Variants in ELK3 observed in about 807,000 individuals in gnomAD.
The protein encoded by ELK3 is ETS domain-containing protein Elk-3.
Under a neutral mutation model 28.9 loss-of-function variants are expected in ELK3, and 10 were observed. That is an observed-to-expected ratio of 0.35 (90% confidence interval 0.21 to 0.59). The LOEUF (loss-of-function observed/expected upper bound fraction) is 0.59, where lower values mean the gene tolerates loss of function less well. Ranked by LOEUF, ELK3 falls within the 20% of genes least tolerant of loss-of-function variation. The probability of loss-of-function intolerance (pLI) is 0.82; values close to 1 mark genes in which losing one functional copy is unlikely to be tolerated. For missense variants in ELK3, 463 were observed against 517.3 expected (o/e 0.90, Z 1.02); for synonymous variants, 272 against 243.5 (o/e 1.12, Z -1.09).
At chr12:96,201,438 T>C (rs890289964) in intron 1 of ELK3, among the ~76,000 whole-genome samples, 2 of 151,784 alleles carry the variant, frequency 1.3e-5, no homozygotes, top group Admixed American at 1.3e-4. Flanking sequence ...CTGGGCAACA[T>C]AGTGAGACCC....
chr12:96,228,037 A>G (rs117861724), intron 2 of ELK3, among the ~76,000 whole-genome samples: 16,343 of 152,210 alleles, frequency 0.11, 1,167 homozygotes, highest in Non-Finnish European at 0.15. Context: ...AACTGGGAGG[A>G]TCACTTGAGC....
intron 2 of ELK3, 24 bp downstream of exon 2, chr12:96,223,797 G>A (rs1185239914): frequency 6.2e-7 from 1 of 1,611,310 alleles, no homozygotes; most frequent in Non-Finnish European, 8.5e-7. Context: ...CTTGCATGGG[G>A]CCGTCTTGGG....
chr12:96,231,433 A>G (rs1034975051), intron 2 of ELK3, among the ~76,000 whole-genome samples: 1 of 152,166 alleles, frequency 6.6e-6, no homozygotes, highest in Non-Finnish European at 1.5e-5. Flanking sequence ...CAGGCACCTT[A>G]TGGGTCAAGC....
At chr12:96,236,708 C>T (rs1230213117) in intron 2 of ELK3, among the ~76,000 whole-genome samples, 1 of 152,238 alleles carries the variant, frequency 6.6e-6, no homozygotes, top group African/African-American at 2.4e-5. Flanking sequence ...GTGGCGGCCC[C>T]AGGCTGTGCC....
At chr12:96,223,921 G>T (rs1951681031) in intron 2 of ELK3, 148 bp downstream of exon 2, 2 of 801,340 alleles carry the variant, frequency 2.5e-6, no homozygotes, top group Non-Finnish European at 3.9e-6. Flanking sequence ...GAGAAAAGCT[G>T]TGCTGTAGGG....
intron 1 of ELK3, among the ~76,000 whole-genome samples, chr12:96,211,858 T>G (rs1951581710): frequency 6.6e-6 from 1 of 152,260 alleles, no homozygotes; most frequent in Non-Finnish European, 1.5e-5. Context: ...TCCAGTATTA[T>G]GAAACAGTCT....
At chr12:96,236,426 C>T (rs1000053435) in intron 2 of ELK3, among the ~76,000 whole-genome samples, 14 of 152,206 alleles carry the variant, frequency 9.2e-5, no homozygotes, top group Non-Finnish European at 1.9e-4. Context: ...AGATAGTTCA[C>T]GCTGCAGTTT....
At chr12:96,241,102 A>G (rs1407413398) in intron 2 of ELK3, among the ~76,000 whole-genome samples, 2 of 152,362 alleles carry the variant, frequency 1.3e-5, no homozygotes, top group Non-Finnish European at 2.9e-5. Flanking sequence ...AAGCAGGTAT[A>G]TGTATGGGAT....
At chr12:96,238,504 G>A (rs1364159493) in intron 2 of ELK3, among the ~76,000 whole-genome samples, 1 of 152,248 alleles carries the variant, frequency 6.6e-6, no homozygotes, top group Admixed American at 6.5e-5. Flanking sequence ...CCTGGAGACA[G>A]CCGGGGGAGC....
intron 3 of ELK3, among the ~76,000 whole-genome samples, chr12:96,256,825 A>C (rs148486763): frequency 1.1e-4 from 16 of 152,250 alleles, no homozygotes; most frequent in Admixed American, 3.9e-4. Context: ...CAAGAGGAGG[A>C]GGCAGCGGGC....
chr12:96,196,961 A>G (rs1369212906), intron 1 of ELK3, among the ~76,000 whole-genome samples: 2 of 152,144 alleles, frequency 1.3e-5, no homozygotes, highest in Non-Finnish European at 2.9e-5. Context: ...ACATGAGTAC[A>G]GGATGTCCCT....
rs182833545 is a variant in ELK3, at chr12:96,251,204, G to A, written c.1002+3470G>A. Among the ~76,000 whole-genome samples the A allele has an allele frequency of 2.9e-3, 446 of 152,134 alleles. 3 individuals carry two copies. The highest frequency in any genetic ancestry group is 4.8e-3 in the Non-Finnish European group (329 of 68,004). Reference sequence around the variant, plus strand: ...TCTGTTATAGTGCTCTGAGATCAGCGAGCTTTGATACTACTATTGTCATTG... The same window carrying A: ...TCTGTTATAGTGCTCTGAGATCAGCAAGCTTTGATACTACTATTGTCATTG... On this transcript the variant is annotated intron_variant, in intron 3 of 4. Coordinates refer to ENST00000228741, the MANE Select transcript of ELK3 (RefSeq NM_005230.4).
rs1284718736 is a variant in ELK3 at position 96,233,728 on chromosome 12, G to C, written c.207+9955G>C. 2.6e-5 allele frequency among the ~76,000 whole-genome samples: 4 copies of C among 152,296 alleles called. No homozygotes were observed. In the East Asian group the frequency reaches 7.7e-4, roughly 29 times the overall value. Reference sequence around the variant, plus strand: ...AAGATAAAATGATGTTGTCAAAGTGGAGAAGGAACAAACATCCAGCAGGCA... The same window carrying C: ...AAGATAAAATGATGTTGTCAAAGTGCAGAAGGAACAAACATCCAGCAGGCA... On this transcript the variant is annotated intron_variant, in intron 2 of 4. Transcript: ENST00000228741.
intron 3 of ELK3, among the ~76,000 whole-genome samples, chr12:96,250,309 C>G (rs1397943730): frequency 2.0e-5 from 3 of 152,166 alleles, no homozygotes; most frequent in Non-Finnish European, 2.9e-5. Flanking sequence ...GAGGGAGACA[C>G]CAGAGGGGCC....
chr12:96,214,904 T>A lies in ELK3; in HGVS notation c.-2-8661T>A, dbSNP rs184217584. 4.5e-3 allele frequency among the ~76,000 whole-genome samples: 687 copies of A among 152,310 alleles called. 6 individuals carry two copies. The highest frequency in any genetic ancestry group is 0.013 in the African/African-American group (559 of 41,556). On this transcript the variant is annotated intron_variant, in intron 1 of 4. Transcript: ENST00000228741. Reference sequence around the variant, plus strand: ...TACCCTTTGTCTTAGACAATGATAGTATCATGACATGGAAATGCATAGCAG... The same window carrying A: ...TACCCTTTGTCTTAGACAATGATAGAATCATGACATGGAAATGCATAGCAG...
At chr12:96,221,366 C>T (rs974902364) in intron 1 of ELK3, among the ~76,000 whole-genome samples, 15 of 152,308 alleles carry the variant, frequency 9.8e-5, no homozygotes, top group Admixed American at 2.6e-4. Flanking sequence ...CTGTCCCATT[C>T]GGAACGTGAT....
chr12:96,252,214 A>G (rs1951912839), intron 3 of ELK3, among the ~76,000 whole-genome samples: 1 of 152,234 alleles, frequency 6.6e-6, no homozygotes, highest in African/African-American at 2.4e-5. Context: ...TACTACTCAG[A>G]AAAAAGATTC....
At chr12:96,231,115 C>T (rs1460017446) in intron 2 of ELK3, among the ~76,000 whole-genome samples, 3 of 152,206 alleles carry the variant, frequency 2.0e-5, no homozygotes, top group South Asian at 2.1e-4. Context: ...GGGCATTTTA[C>T]ACTTCCTCTC....
At position 96,223,996 on chromosome 12, in the gene ELK3, T is replaced by C. The variant is rs1020311588; in HGVS notation, c.207+223T>C. ...GGGTCACATTTTGTTTCTTCTGCATTTTCGTCTGAGTTTGCTGAAGAACTT... is the reference window on the plus strand; with the variant it reads ...GGGTCACATTTTGTTTCTTCTGCATCTTCGTCTGAGTTTGCTGAAGAACTT... On this transcript the variant is annotated intron_variant, in intron 2 of 4. Coordinates refer to ENST00000228741, the MANE Select transcript of ELK3 (RefSeq NM_005230.4). 3 of 545,526 alleles carry C rather than the reference T, an allele frequency of 5.5e-6. No homozygotes were observed. The African/African-American group carries it at 5.7e-5, about 10-fold the overall frequency. The allele number at this position is 545,526 out of a possible 1,614,324, so 33.8% of individuals were successfully genotyped here.
Sources: gnomAD v4.1 joint callset for allele counts (sites outside exome capture counted in the v4.1 genomes callset) on GRCh38, gnomAD v4.1.1 for gene constraint, MANE v1.5 for transcripts, NCBI Gene and HGNC (gene_info 2026-07-23, HGNC 2026-07-21) for gene names.